Variants in EBF1 observed in about 807,000 individuals in gnomAD.
EBF1 encodes the protein transcription factor COE1.
EBF1 carries 10 observed loss-of-function variants against 68.4 expected under a neutral mutation model. That is an observed-to-expected ratio of 0.15 (90% CI 0.09 to 0.25). EBF1 has a LOEUF of 0.25. EBF1 is among the 10% of genes least tolerant of loss of function. EBF1 has a pLI of 1.00. For synonymous variants in EBF1, 298 were observed against 299.8 expected, an observed-to-expected ratio of 0.99 and a Z score of 0.06; for missense variants, 509 against 794.4, an observed-to-expected ratio of 0.64 and a Z score of 4.32.
chr5:159,073,860 C>T (rs922642579), intron 5 of EBF1: 14 of 165,480 alleles, frequency 8.5e-5, no homozygotes, highest in African/African-American at 2.1e-4. Flanking sequence ...TTGTGTGGAA[C>T]GCATCAATAA....
At chr5:158,756,024 T>C (rs1770003072) in intron 10 of EBF1, among the ~76,000 whole-genome samples, 2 of 152,186 alleles carry the variant, frequency 1.3e-5, no homozygotes, top group Non-Finnish European at 1.5e-5. Flanking sequence ...TCAATGGTAC[T>C]TTAGCAGCTT....
At chr5:158,797,394 A>G (rs142559455) in intron 8 of EBF1, among the ~76,000 whole-genome samples, 2 of 152,192 alleles carry the variant, frequency 1.3e-5, no homozygotes, top group Non-Finnish European at 2.9e-5. Flanking sequence ...CTACAGTGTC[A>G]TGCTTCTGTT....
chr5:158,917,158 T>C (rs1807377594), intron 6 of EBF1, among the ~76,000 whole-genome samples: 1 of 152,112 alleles, frequency 6.6e-6, no homozygotes, highest in African/African-American at 2.4e-5. Context: ...AAGAAACCAA[T>C]GATGTTCTTA....
chr5:158,700,527 A>G (rs1315099690), intron 15 of EBF1, among the ~76,000 whole-genome samples: 1 of 150,702 alleles, frequency 6.6e-6, no homozygotes, highest in East Asian at 1.9e-4. Flanking sequence ...AAAAAAAAAA[A>G]GCGAACCCCA....
intron 6 of EBF1, among the ~76,000 whole-genome samples, chr5:158,840,961 G>A (rs1311474641): frequency 3.3e-5 from 5 of 152,000 alleles, no homozygotes; most frequent in Non-Finnish European, 7.4e-5. Flanking sequence ...GTGAGCCACC[G>A]CGCCAGGCCC....
At chr5:158,809,457 C>A (rs1443713861) in intron 8 of EBF1, among the ~76,000 whole-genome samples, 1 of 152,058 alleles carries the variant, frequency 6.6e-6, no homozygotes, top group Non-Finnish European at 1.5e-5. Flanking sequence ...CAGCCAAAGT[C>A]CCATAAAATC....
At chr5:159,073,498 C>G (rs1166524827) in intron 5 of EBF1, 34 bp from the exon 6 acceptor site, 1 of 1,612,172 alleles carries the variant, frequency 6.2e-7, no homozygotes, top group Non-Finnish European at 8.5e-7. Flanking sequence ...TTAGTACAAC[C>G]ATTACAATGT....
intron 5 of EBF1, among the ~76,000 whole-genome samples, chr5:159,080,430 G>A (rs946220417): frequency 7.2e-5 from 11 of 152,118 alleles, no homozygotes; most frequent in Non-Finnish European, 1.5e-4. Context: ...CTGGCTCTCC[G>A]TTTTTGAGTG....
chr5:158,739,332 C>T (rs1005691611), intron 10 of EBF1, among the ~76,000 whole-genome samples: 1 of 152,190 alleles, frequency 6.6e-6, no homozygotes, highest in Non-Finnish European at 1.5e-5. Flanking sequence ...CTGTATTGCT[C>T]TCTAAGTGTA....
chr5:158,726,928 A>T (rs1315032064), intron 11 of EBF1, among the ~76,000 whole-genome samples: 1 of 152,254 alleles, frequency 6.6e-6, no homozygotes, highest in Non-Finnish European at 1.5e-5. Context: ...GAACACCCAC[A>T]GTGCAGGGAT....
intron 6 of EBF1, among the ~76,000 whole-genome samples, chr5:159,061,303 A>G (rs979621977): frequency 2.6e-5 from 4 of 152,054 alleles, no homozygotes; most frequent in Non-Finnish European, 5.9e-5. Flanking sequence ...TCTCATTTTG[A>G]AACAACCGGT....
At chr5:158,948,758 C>T (rs535748416) in intron 6 of EBF1, among the ~76,000 whole-genome samples, 22 of 152,328 alleles carry the variant, frequency 1.4e-4, no homozygotes, top group African/African-American at 4.6e-4. Context: ...GTGGCATTCT[C>T]GTCTTCATGG....
At chr5:158,932,468 C>A (rs6556373) in intron 6 of EBF1, among the ~76,000 whole-genome samples, 68,829 of 151,844 alleles carry the variant, frequency 0.45, 16,115 homozygotes, top group South Asian at 0.66. Context: ...AAAACAGATA[C>A]CTAAGCGTGA....
At chr5:158,885,536 G>C (rs1799877635) in intron 6 of EBF1, among the ~76,000 whole-genome samples, 1 of 152,140 alleles carries the variant, frequency 6.6e-6, no homozygotes, top group Admixed American at 6.5e-5. Context: ...CACATTGCAG[G>C]GGTATTACAA....
At chr5:158,962,377 G>A (rs2127537609) in intron 6 of EBF1, among the ~76,000 whole-genome samples, 1 of 152,226 alleles carries the variant, frequency 6.6e-6, no homozygotes, top group South Asian at 2.1e-4. Context: ...ACCGAGGCAA[G>A]CAGAGGACCA....
chr5:158,702,476 ATTGCT>A (rs1756957462), intron 15 of EBF1, among the ~76,000 whole-genome samples: 1 of 152,130 alleles, frequency 6.6e-6, no homozygotes, highest in Non-Finnish European at 1.5e-5. Flanking sequence ...TCAGAAAACT[ATTGCT>A]TTGAGAGGCA....
chr5:158,807,740 G>A lies in EBF1; in HGVS notation c.779-11265C>T, dbSNP rs567422733. The stretch of plus-strand genomic sequence containing the variant: ...TTTACGTCTTCTCCCAAAACACACG[G>A]AAGTCCCCCAGTTGGCCTTTCTTTG... On this transcript the variant is annotated intron_variant, in intron 8 of 15. Coordinates refer to ENST00000313708, the MANE Select transcript of EBF1 (RefSeq NM_024007.5). 1.1e-3 allele frequency among the ~76,000 whole-genome samples: 160 copies of A among 152,246 alleles called. 1 individual carries two copies. The highest frequency in any genetic ancestry group is 3.4e-3 in the African/African-American group (143 of 41,554).
chr5:159,077,162 T>C (rs1262751688), intron 5 of EBF1, among the ~76,000 whole-genome samples: 2 of 152,240 alleles, frequency 1.3e-5, no homozygotes, highest in Admixed American at 6.5e-5. Context: ...CCTCTGGGCA[T>C]GGTGGATTAC....
intron 6 of EBF1, among the ~76,000 whole-genome samples, chr5:158,981,382 A>G (rs1279998424): frequency 2.6e-5 from 4 of 152,228 alleles, no homozygotes; most frequent in African/African-American, 9.6e-5. Context: ...TTATAAAGTT[A>G]TGAAAGTAGA....
Sources: allele counts gnomAD v4.1 joint callset (sites outside exome capture counted in the v4.1 genomes callset), GRCh38; gene constraint gnomAD v4.1.1; transcripts MANE v1.5; gene names NCBI Gene and HGNC (gene_info 2026-07-23, HGNC 2026-07-21).